Variants in PATJ observed in about 807,000 individuals in gnomAD.
The protein encoded by PATJ is PATJ crumbs cell polarity complex component, also known as inaD-like protein.
PATJ carries 190 observed loss-of-function variants against 224.9 expected under a neutral mutation model. The observed-to-expected ratio is 0.84, with a 90% CI of 0.75 to 0.95. The LOEUF is 0.95. Ranked by LOEUF, PATJ falls within the 40% of genes least tolerant of loss-of-function variation. PATJ has a pLI of 0.00. For missense variants in PATJ, 2,121 were observed against 2,270.3 expected, an observed-to-expected ratio of 0.93 and a Z score of 1.34; for synonymous variants, 769 against 820.3, an observed-to-expected ratio of 0.94 and a Z score of 1.07.
chr1:61,951,452 C>T (rs1373526794), intron 27 of PATJ, among the ~76,000 whole-genome samples: 5 of 151,004 alleles, frequency 3.3e-5, no homozygotes, highest in African/African-American at 9.8e-5. Flanking sequence ...TTTTTTTATT[C>T]TGCATTTTAC....
chr1:61,879,813 G>GA (rs1383957285), intron 21 of PATJ, among the ~76,000 whole-genome samples: 8 of 150,432 alleles, frequency 5.3e-5, no homozygotes, highest in African/African-American at 2.0e-4. Flanking sequence ...TCACCATCCA[G>GA]GTTTTTGACT....
At chr1:61,994,900 T>G (rs781180997) in intron 28 of PATJ, among the ~76,000 whole-genome samples, 3 of 152,184 alleles carry the variant, frequency 2.0e-5, no homozygotes, top group Non-Finnish European at 4.4e-5. Flanking sequence ...CTCATTGGGC[T>G]TTAGGTCAGA....
intron 41 of PATJ, among the ~76,000 whole-genome samples, chr1:62,147,162 G>A (rs2149024282): frequency 6.6e-6 from 1 of 152,286 alleles, no homozygotes; most frequent in Non-Finnish European, 1.5e-5. Flanking sequence ...ACATTCATGA[G>A]ATGGATGGGA....
At position 62,086,205 on chromosome 1, in the gene PATJ, C is replaced by T. The variant is rs947486049; in HGVS notation, c.4377+1557C>T. ...AAAACTTTTCCTGGGTTTTGATTTACTCAAGATGTGATTAATTAATGCATG... is the reference window on the plus strand; with the variant it reads ...AAAACTTTTCCTGGGTTTTGATTTATTCAAGATGTGATTAATTAATGCATG... On this transcript the variant is annotated intron_variant, in intron 33 of 43. Coordinates refer to ENST00000642238, the MANE Select transcript of PATJ (RefSeq NM_001350145.3). The surrounding 1 kb of genome is among the most constrained non-coding windows in gnomAD (Gnocchi z 4.0). Among the ~76,000 whole-genome samples the T allele has an allele frequency of 2.9e-5, 4 of 139,948 alleles. No individual in the cohort carries two copies. The highest frequency in any genetic ancestry group is 4.5e-5 in the Non-Finnish European group (3 of 66,908). 91.8% of individuals were successfully genotyped at this position (139,948 alleles called of 152,430 possible).
intron 28 of PATJ, among the ~76,000 whole-genome samples, chr1:62,008,339 C>T (rs953001842): frequency 5.9e-5 from 9 of 152,178 alleles, no homozygotes; most frequent in African/African-American, 2.2e-4. Flanking sequence ...ATCTCTACTA[C>T]ATTCCTCATC....
At chr1:62,158,538 T>TA (rs1341236125) in intron 43 of PATJ, among the ~76,000 whole-genome samples, 8 of 147,726 alleles carry the variant, frequency 5.4e-5, no homozygotes, top group African/African-American at 1.5e-4. Flanking sequence ...GCTAACACGG[T>TA]AAAAAACTCC....
At chr1:61,910,655 T>G (rs544804656) in intron 25 of PATJ, among the ~76,000 whole-genome samples, 2 of 145,594 alleles carry the variant, frequency 1.4e-5, no homozygotes, top group South Asian at 4.7e-4. Context: ...CAAGCAATCT[T>G]CCCAGTTCAG....
chr1:61,756,175 A>G (rs994293605), intron 1 of PATJ, among the ~76,000 whole-genome samples: 13 of 152,258 alleles, frequency 8.5e-5, no homozygotes, highest in African/African-American at 2.9e-4. Context: ...CCCAATTTCG[A>G]TACTTGTGCC....
At position 61,964,338 on chromosome 1, in the gene PATJ, T is replaced by A. The variant is rs1053155063; in HGVS notation, c.3671-25830T>A. ...CTCAGGTAAACCTCCCACCTCAGCC[T>A]CCCAAAGTGCTGGGATTAGAGGCGT... is the stretch of plus-strand genomic sequence containing the variant. On this transcript the variant is annotated intron_variant, in intron 27 of 43. Coordinates refer to ENST00000642238, the MANE Select transcript of PATJ (RefSeq NM_001350145.3). 2.6e-5 allele frequency among the ~76,000 whole-genome samples: 4 copies of A among 151,818 alleles called. No individual in the cohort carries two copies. In the East Asian group the frequency reaches 5.8e-4, roughly 22 times the overall value.
chr1:61,853,019 CAAAG>C (rs1663086092), intron 17 of PATJ, among the ~76,000 whole-genome samples: 3 of 152,274 alleles, frequency 2.0e-5, no homozygotes, highest in South Asian at 4.2e-4. Context: ...CCCCAAATGA[CAAAG>C]AAGCTGCCTT....
intron 27 of PATJ, among the ~76,000 whole-genome samples, chr1:61,935,264 G>A (rs1676670233): frequency 6.6e-6 from 1 of 152,120 alleles, no homozygotes; most frequent in African/African-American, 2.4e-5. Context: ...TGCTGCCACT[G>A]GCTTTTAAGG....
intron 27 of PATJ, among the ~76,000 whole-genome samples, chr1:61,936,877 C>G (rs10889272): frequency 6.6e-6 from 1 of 151,862 alleles, no homozygotes; most frequent in Non-Finnish European, 1.5e-5. Flanking sequence ...CACGCCTGGC[C>G]GAATGATACA....
At chr1:62,019,901 G>A (rs1377395512) in intron 29 of PATJ, among the ~76,000 whole-genome samples, 1 of 152,122 alleles carries the variant, frequency 6.6e-6, no homozygotes, top group Non-Finnish European at 1.5e-5. Flanking sequence ...AGGCGCGGTG[G>A]CTTGCACCTG....
At chr1:61,915,453 C>T (rs1042084215) in intron 26 of PATJ, among the ~76,000 whole-genome samples, 1 of 152,040 alleles carries the variant, frequency 6.6e-6, no homozygotes, top group Non-Finnish European at 1.5e-5. Flanking sequence ...TATGTTTCTT[C>T]TTCTTAGACA....
intron 41 of PATJ, among the ~76,000 whole-genome samples, chr1:62,144,777 A>AAAAAAAATAT (rs377489788): frequency 1.4e-4 from 17 of 119,096 alleles, no homozygotes; most frequent in African/African-American, 5.1e-4. Flanking sequence ...AAAAAAAAAA[A>AAAAAAAATAT]ATATATATAT....
intron 41 of PATJ, among the ~76,000 whole-genome samples, chr1:62,132,708 G>C (rs1354179531): frequency 6.6e-6 from 1 of 152,102 alleles, no homozygotes; most frequent in African/African-American, 2.4e-5. Flanking sequence ...TTTGAGACCA[G>C]CTTGGGCAAC....
chr1:61,855,213 A>G (rs961413562), intron 17 of PATJ, among the ~76,000 whole-genome samples: 1 of 152,150 alleles, frequency 6.6e-6, no homozygotes, highest in African/African-American at 2.4e-5. Context: ...TCTTTGGTCC[A>G]TCATATGACT....
chr1:61,756,973 C>T (rs1349367510), intron 1 of PATJ, among the ~76,000 whole-genome samples: 1 of 151,928 alleles, frequency 6.6e-6, no homozygotes, highest in Non-Finnish European at 1.5e-5. Flanking sequence ...TCTCTTAGCA[C>T]GTGGTACATA....
chr1:61,745,573 C>T (rs1057262279), intron 1 of PATJ, among the ~76,000 whole-genome samples: 6 of 145,186 alleles, frequency 4.1e-5, no homozygotes, highest in African/African-American at 1.5e-4. Flanking sequence ...TGCACCTAGC[C>T]AAAATTATTT....
Sources: gnomAD v4.1 joint callset for allele counts (sites outside exome capture counted in the v4.1 genomes callset) on GRCh38, gnomAD v4.1.1 for gene constraint, Gnocchi (gnomAD v3.1) non-coding constraint, MANE v1.5 for transcripts, NCBI Gene and HGNC (gene_info 2026-07-23, HGNC 2026-07-21) for gene names.